Variants in FAM98B observed in about 807,000 individuals in gnomAD.
The protein encoded by FAM98B is tRNA-splicing ligase complex subunit FAM98B.
FAM98B carries 32 observed loss-of-function variants against 43.9 expected under a neutral mutation model. The observed-to-expected ratio is 0.73, with a 90% CI of 0.55 to 0.98. The LOEUF (loss-of-function observed/expected upper bound fraction) is 0.98. FAM98B is among the 50% of genes least tolerant of loss of function. The pLI is 0.00. For missense variants in FAM98B, 514 were observed against 522.9 expected (o/e 0.98, Z 0.17); for synonymous variants, 190 against 174.0 (o/e 1.09, Z -0.72).
chr15:38,464,224 A>G, intron 2 of FAM98B, 47 bp downstream of exon 2: 1 of 1,531,308 alleles, frequency 6.5e-7, no homozygotes, highest in Non-Finnish European at 8.8e-7. Context: ...TAGTAAACTG[A>G]TAACTTACGG....
At chr15:38,473,355 TGTA>T (rs1174368455) in intron 4 of FAM98B, 147 bp from the exon 5 acceptor site, 6 of 550,176 alleles carry the variant, frequency 1.1e-5, no homozygotes, top group South Asian at 5.8e-5. Context: ...TACTCTGTAT[TGTA>T]GTGGTATTCT....
intron 1 of FAM98B, among the ~76,000 whole-genome samples, chr15:38,462,458 A>G (rs372671894): frequency 3.3e-5 from 5 of 152,230 alleles, no homozygotes; most frequent in African/African-American, 1.2e-4. Context: ...GAACAAAACA[A>G]ATGTCTATTG....
At chr15:38,461,250 C>T (rs1595796910) in intron 1 of FAM98B, among the ~76,000 whole-genome samples, 1 of 152,118 alleles carries the variant, frequency 6.6e-6, no homozygotes, top group Admixed American at 6.5e-5. Context: ...TATGAAATCT[C>T]ATTGAGAGGC....
chr15:38,459,148 G>T, intron 1 of FAM98B: 1 of 348,260 alleles, frequency 2.9e-6, no homozygotes, highest in South Asian at 2.5e-5. Flanking sequence ...AAACCTGCTT[G>T]AGTGGTCTCC....
chr15:38,471,676 A>G (rs1890132312), intron 4 of FAM98B, among the ~76,000 whole-genome samples: 1 of 152,154 alleles, frequency 6.6e-6, no homozygotes, highest in South Asian at 2.1e-4. Flanking sequence ...GTTTTTAACC[A>G]AAAGTAAACA....
chr15:38,465,438 G>A (rs1431037609), intron 3 of FAM98B, 35 bp downstream of exon 3: 1 of 1,516,516 alleles, frequency 6.6e-7, no homozygotes, highest in Admixed American at 2.2e-5. Context: ...GCATGTGTTT[G>A]ACATGGTTTT....
chr15:38,481,204 TTTTC>T lies in FAM98B; in HGVS notation c.730-84_730-81del, dbSNP rs1305001531. On this transcript the variant is annotated intron_variant, in intron 6 of 7. Transcript: ENST00000397609. The stretch of plus-strand genomic sequence containing the variant: ...AACTCCTTGCTTATGCATTATCTCC[TTTTC>T]TTTATTTCTAAAGATTATGATTGTT... The T allele has an allele frequency of 1.2e-5, 14 of 1,181,030 alleles. No homozygotes were observed. In the Admixed American group the frequency reaches 2.9e-4, roughly 24 times the overall value. 73.2% of individuals were successfully genotyped at this position (1,181,030 alleles called of 1,614,324 possible). A position where few individuals can be genotyped will look rare whatever the true frequency, so the allele number is the denominator to read the frequency against.
At chr15:38,473,619 A>T in intron 5 of FAM98B, 34 bp downstream of exon 5, 1 of 1,519,456 alleles carries the variant, frequency 6.6e-7, no homozygotes, top group Non-Finnish European at 9.0e-7. Context: ...GTTTTATGTA[A>T]TTACATTAGT....
intron 3 of FAM98B, among the ~76,000 whole-genome samples, chr15:38,467,553 G>A (rs1170934661): frequency 6.6e-6 from 1 of 152,130 alleles, no homozygotes; most frequent in African/African-American, 2.4e-5. Context: ...AGACTGTGGT[G>A]GGAGAATAAC....
At chr15:38,476,039 C>G (rs750710554) in intron 6 of FAM98B, among the ~76,000 whole-genome samples, 5 of 152,078 alleles carry the variant, frequency 3.3e-5, no homozygotes, top group Non-Finnish European at 7.4e-5. Flanking sequence ...TTTATTTACC[C>G]CTTGTTCTGC....
chr15:38,463,645 T>C (rs1005068631), intron 1 of FAM98B, among the ~76,000 whole-genome samples: 7 of 152,172 alleles, frequency 4.6e-5, no homozygotes, highest in Admixed American at 2.6e-4. Flanking sequence ...TTTCACCATA[T>C]TTTTATTGTA....
intron 1 of FAM98B, among the ~76,000 whole-genome samples, chr15:38,454,971 A>G (rs551043771): frequency 6.6e-6 from 1 of 151,812 alleles, no homozygotes; most frequent in East Asian, 1.9e-4. Context: ...GTGGTTCGTA[A>G]TCTCCCCCTC....
At chr15:38,470,485 CTATAAT>C in intron 4 of FAM98B, 80 bp downstream of exon 4, 1 of 1,264,978 alleles carries the variant, frequency 7.9e-7, no homozygotes, top group Non-Finnish European at 1.1e-6. Flanking sequence ...AAACTATTCC[CTATAAT>C]TATGAGGTAT....
chr15:38,486,282 G>T lies in FAM98B; in HGVS notation c.*1623G>T, dbSNP rs930878094. 1.3e-5 allele frequency: 2 copies of T among 151,834 alleles called. No homozygotes were observed. The highest frequency in any genetic ancestry group is 2.4e-5 in the African/African-American group (1 of 41,344). 9.4% of individuals were successfully genotyped at this position (151,834 alleles called of 1,614,324 possible). On this transcript the variant is annotated 3_prime_UTR_variant, in exon 8 of 8. Coordinates refer to ENST00000397609, the MANE Select transcript of FAM98B (RefSeq NM_173611.4). ...TTCATTTGTGATAGCTGAAAAAAAG[G>T]CTTTCCATAATTAAGAAAATACCTT...
chr15:38,476,906 G>A (rs1481333719), intron 6 of FAM98B, among the ~76,000 whole-genome samples: 1 of 151,964 alleles, frequency 6.6e-6, no homozygotes, highest in South Asian at 2.1e-4. Flanking sequence ...CGGGTGGATT[G>A]CTTGAGCCCA....
At chr15:38,472,886 G>C (rs1473665274) in intron 4 of FAM98B, among the ~76,000 whole-genome samples, 1 of 152,054 alleles carries the variant, frequency 6.6e-6, no homozygotes, top group Non-Finnish European at 1.5e-5. Flanking sequence ...CCTTTAGTTA[G>C]GAGGATAAAT....
chr15:38,477,774 G>A (rs1240190451), intron 6 of FAM98B, among the ~76,000 whole-genome samples: 1 of 152,182 alleles, frequency 6.6e-6, no homozygotes. Context: ...TTCTGCATGT[G>A]TGCCAGGATA....
In FAM98B at chr15:38,487,054, T is replaced by G. The variant is rs1012319893; in HGVS notation, c.*2395T>G. 1.3e-5 allele frequency: 2 copies of G among 152,048 alleles called. No individual in the cohort carries two copies. The highest frequency in any genetic ancestry group is 1.5e-5 in the Non-Finnish European group (1 of 67,918). 9.4% of individuals were successfully genotyped at this position (152,048 alleles called of 1,614,324 possible). A position where few individuals can be genotyped will look rare whatever the true frequency, so the allele number is the denominator to read the frequency against. On this transcript the variant is annotated 3_prime_UTR_variant, in exon 8 of 8. Transcript: ENST00000397609. The stretch of plus-strand genomic sequence containing the variant: ...TTCTCTTTTTGTCCAGCCTGGTACC[T>G]AATAGCAAATATAGACATGATCTTA...
chr15:38,463,846 A>G (rs979389893), intron 1 of FAM98B, among the ~76,000 whole-genome samples, 186 bp from the exon 2 acceptor site: 1 of 152,212 alleles, frequency 6.6e-6, no homozygotes, highest in South Asian at 2.1e-4. Context: ...TTCGGTTACA[A>G]ATACTTAGCT....
Sources: gnomAD v4.1 joint callset for allele counts (sites outside exome capture counted in the v4.1 genomes callset) on GRCh38, gnomAD v4.1.1 for gene constraint, MANE v1.5 for transcripts, NCBI Gene and HGNC (gene_info 2026-07-23, HGNC 2026-07-21) for gene names.